The following MED27 variants were observed in gnomAD, a reference collection of about 807,000 sequenced individuals.
MED27 encodes mediator of RNA polymerase II transcription subunit 27.
A neutral mutation model predicts 38.2 loss-of-function variants in MED27; 30 were observed. That is an observed-to-expected ratio of 0.79 (90% CI 0.59 to 1.07). The LOEUF is 1.07. Among genes scored for constraint, MED27 ranks in the 50% least tolerant of loss-of-function variants. MED27 has a pLI of 0.00. For missense variants in MED27, 289 were observed against 397.5 expected (o/e 0.73, Z 2.32); for synonymous variants, 122 against 153.5 (o/e 0.79, Z 1.52).
rs117053913 is a variant in MED27, at chr9:132,015,954, A to G, written c.349-1487T>C. On this transcript the variant is annotated intron_variant, in intron 2 of 7. Transcript: ENST00000292035. Reference sequence around the variant, plus strand: ...TCAGATTAAGCAAGGTCTTTCAAACATTTATTTAGAATTATCTAAACATAC... The same window carrying G: ...TCAGATTAAGCAAGGTCTTTCAAACGTTTATTTAGAATTATCTAAACATAC... 6.0e-4 allele frequency among the ~76,000 whole-genome samples: 91 copies of G among 152,334 alleles called. No individual in the cohort carries two copies. In the East Asian group the frequency reaches 0.017, roughly 28 times the overall value.
intron 2 of MED27, among the ~76,000 whole-genome samples, chr9:132,053,483 A>C (rs1390104063): frequency 6.6e-6 from 1 of 152,132 alleles, no homozygotes; most frequent in East Asian, 1.9e-4. Flanking sequence ...GTCTATTGAG[A>C]GGCTTACTAT....
chr9:131,985,777 G>A (rs995088459), intron 3 of MED27, among the ~76,000 whole-genome samples: 1 of 151,892 alleles, frequency 6.6e-6, no homozygotes, highest in Non-Finnish European at 1.5e-5. Context: ...TCCTTCAGGA[G>A]GGATCCAGAA....
At chr9:132,001,356 A>AT (rs1255443089) in intron 3 of MED27, among the ~76,000 whole-genome samples, 1 of 152,180 alleles carries the variant, frequency 6.6e-6, no homozygotes, top group Non-Finnish European at 1.5e-5. Flanking sequence ...AATTGATTAT[A>AT]TTTTTGTAGC....
chr9:131,990,194 G>A lies in MED27; in HGVS notation c.479+24143C>T, dbSNP rs144127745. Among the ~76,000 whole-genome samples the A allele has an allele frequency of 5.9e-5, 9 of 152,244 alleles. No homozygotes were observed. The East Asian group carries it at 1.7e-3, about 29-fold the overall frequency. ...TCAAAGTCCAGCTCCAGTCTTGTCTGCGAAGGGTCAGGGCCCTTAACAATG... is the reference window on the plus strand; with the variant it reads ...TCAAAGTCCAGCTCCAGTCTTGTCTACGAAGGGTCAGGGCCCTTAACAATG... On this transcript the variant is annotated intron_variant, in intron 3 of 7. Transcript: ENST00000292035.
At chr9:131,943,306 G>C (rs375693160) in intron 3 of MED27, among the ~76,000 whole-genome samples, 2 of 152,296 alleles carry the variant, frequency 1.3e-5, no homozygotes, top group East Asian at 3.9e-4. Flanking sequence ...CTAGTGACTT[G>C]ACAGAAATAA....
intron 4 of MED27, among the ~76,000 whole-genome samples, chr9:131,908,335 G>A (rs1329548585): frequency 6.6e-6 from 1 of 152,204 alleles, no homozygotes; most frequent in Admixed American, 6.5e-5. Context: ...ACTGGGAAAT[G>A]AGGAGCCCCT....
chr9:131,958,947 T>C (rs958814721), intron 3 of MED27, among the ~76,000 whole-genome samples: 2 of 152,244 alleles, frequency 1.3e-5, no homozygotes, highest in African/African-American at 4.8e-5. Context: ...GCTCTTTATT[T>C]GCCTGTCTGG....
At position 132,079,758 on chromosome 9, in the gene MED27, G is replaced by A. The variant is rs745736607; in HGVS notation, c.87C>T (p.Ser29=). 1.2e-6 allele frequency: 2 copies of A among 1,614,114 alleles called. No individual in the cohort carries two copies. Residue 29 remains serine, a synonymous_variant, in exon 1 of 8, where the codon AGC becomes AGT. Coordinates refer to ENST00000292035, the MANE Select transcript of MED27 (RefSeq NM_004269.4). ...SAIQALRSSV[S]RVFDCLKDGM... is the part of the protein sequence containing the mutation. ...CATCCTTCAGGCAGTCGAACACCCT[G>A]CTCACGCTGGAGCGCAGCGCCTGGA...
intron 4 of MED27, among the ~76,000 whole-genome samples, chr9:131,927,972 TA>T (rs1470338330): frequency 6.6e-6 from 1 of 152,196 alleles, no homozygotes; most frequent in Non-Finnish European, 1.5e-5. Flanking sequence ...CTTTTGTCCA[TA>T]AATTGCCTGA....
intron 3 of MED27, among the ~76,000 whole-genome samples, chr9:131,975,624 TGAA>T (rs1433376906): frequency 6.6e-6 from 1 of 152,156 alleles, no homozygotes; most frequent in Non-Finnish European, 1.5e-5. Flanking sequence ...GGAGCAAAGA[TGAA>T]GAAGACACAA....
intron 6 of MED27, among the ~76,000 whole-genome samples, chr9:131,875,497 G>A (rs1472505607): frequency 6.6e-6 from 1 of 152,160 alleles, no homozygotes; most frequent in African/African-American, 2.4e-5. Flanking sequence ...GGTGGTCACT[G>A]AGGAAGAGGC....
intron 3 of MED27, among the ~76,000 whole-genome samples, chr9:131,986,328 G>A (rs1831849484): frequency 2.0e-5 from 3 of 152,024 alleles, no homozygotes; most frequent in African/African-American, 7.2e-5. Flanking sequence ...CTGTCCGGGT[G>A]TACCATTTTT....
At chr9:131,994,877 G>A (rs926702435) in intron 3 of MED27, among the ~76,000 whole-genome samples, 3 of 152,096 alleles carry the variant, frequency 2.0e-5, no homozygotes, top group African/African-American at 7.2e-5. Flanking sequence ...ACGGAGGAAG[G>A]GGGAAGTGTC....
At chr9:131,875,582 C>T (rs1331385651) in intron 6 of MED27, among the ~76,000 whole-genome samples, 1 of 152,210 alleles carries the variant, frequency 6.6e-6, no homozygotes, top group Non-Finnish European at 1.5e-5. Context: ...CATTGACAGG[C>T]ACTTCAGAGA....
intron 3 of MED27, among the ~76,000 whole-genome samples, chr9:131,990,333 C>G (rs1361283683): frequency 6.6e-6 from 1 of 152,182 alleles, no homozygotes; most frequent in Non-Finnish European, 1.5e-5. Context: ...TTCCTTCATC[C>G]TCTGTTTTAC....
intron 3 of MED27, among the ~76,000 whole-genome samples, chr9:131,964,357 TAGA>T (rs1490736118): frequency 0.045 from 6,548 of 144,754 alleles, no homozygotes; most frequent in Middle Eastern, 0.055. Context: ...GAGGTGATGG[TAGA>T]GGTGATGGTA....
At position 132,057,627 on chromosome 9, in the gene MED27, C is replaced by T. The variant is rs139749544; in HGVS notation, c.348+19815G>A. On this transcript the variant is annotated intron_variant, in intron 2 of 7. Transcript: ENST00000292035. The stretch of plus-strand genomic sequence containing the variant: ...GCTCTAGGATAGACATAAGCCAATG[C>T]GATGGCAATTAATTCAGTTTCCCAC... 2.7e-3 allele frequency among the ~76,000 whole-genome samples: 407 copies of T among 152,298 alleles called. 2 individuals carry two copies. Among genetic ancestry groups the T allele is most frequent in the Middle Eastern group, 0.024 (7 of 294 alleles).
At chr9:131,950,697 G>A (rs1455595431) in intron 3 of MED27, among the ~76,000 whole-genome samples, 2 of 152,126 alleles carry the variant, frequency 1.3e-5, no homozygotes, top group Admixed American at 6.5e-5. Flanking sequence ...AACCCCTCCT[G>A]GGACAAACAC....
chr9:132,076,789 C>T (rs775793236), intron 2 of MED27, among the ~76,000 whole-genome samples: 32 of 152,160 alleles, frequency 2.1e-4, no homozygotes, highest in South Asian at 6.2e-4. Flanking sequence ...ACAAACGAAC[C>T]GTTTCCAGAT....
Sources: allele counts gnomAD v4.1 joint callset (sites outside exome capture counted in the v4.1 genomes callset), GRCh38; gene constraint gnomAD v4.1.1; transcripts MANE v1.5; gene names NCBI Gene and HGNC (gene_info 2026-07-23, HGNC 2026-07-21).